The following ARFIP1 variants were observed in gnomAD, a reference collection of about 807,000 sequenced individuals.
ARFIP1 encodes the protein arfaptin-1.
In ARFIP1, 24 loss-of-function variants were observed where a neutral mutation model predicts 42.5. That is an observed-to-expected ratio of 0.57 (90% confidence interval 0.41 to 0.80). The LOEUF is 0.80. Among genes scored for constraint, ARFIP1 ranks in the 30% least tolerant of loss-of-function variants. ARFIP1 has a pLI of 0.00. For synonymous variants in ARFIP1, 141 were observed against 153.7 expected, an observed-to-expected ratio of 0.92 and a Z score of 0.61; for missense variants, 354 against 434.0, an observed-to-expected ratio of 0.82 and a Z score of 1.64.
chr4:152,818,676 G>A (rs1561120066), intron 1 of ARFIP1, among the ~76,000 whole-genome samples: 2 of 152,202 alleles, frequency 1.3e-5, no homozygotes, highest in Admixed American at 6.5e-5. Flanking sequence ...TGGGAATGGT[G>A]TTTCTCGGAA....
chr4:152,881,510 A>G (rs1369110351), intron 6 of ARFIP1, among the ~76,000 whole-genome samples: 3 of 152,134 alleles, frequency 2.0e-5, no homozygotes, highest in Non-Finnish European at 2.9e-5. Flanking sequence ...AAAAGTTGTA[A>G]AAATGTTGTT....
chr4:152,880,840 T>C, intron 5 of ARFIP1, 123 bp from the exon 6 acceptor site: 1 of 699,788 alleles, frequency 1.4e-6, no homozygotes. Flanking sequence ...GTAAGGGAGC[T>C]GACAATTTTC....
At chr4:152,835,681 G>A (rs761140379) in intron 2 of ARFIP1, among the ~76,000 whole-genome samples, 33 of 152,146 alleles carry the variant, frequency 2.2e-4, no homozygotes, top group Non-Finnish European at 4.1e-4. Flanking sequence ...AACATTTATA[G>A]CAATACTTAC....
intron 1 of ARFIP1, among the ~76,000 whole-genome samples, chr4:152,825,608 C>A (rs754199754): frequency 6.6e-6 from 1 of 152,164 alleles, no homozygotes; most frequent in Admixed American, 6.6e-5. Context: ...CTAGCAAAAA[C>A]TCTTCTGGAC....
At chr4:152,836,518 C>T (rs1350434486) in intron 2 of ARFIP1, among the ~76,000 whole-genome samples, 1 of 152,088 alleles carries the variant, frequency 6.6e-6, no homozygotes, top group Non-Finnish European at 1.5e-5. Flanking sequence ...TTTCTGGTAT[C>T]TCTTTTCTTT....
At chr4:152,903,789 A>G (rs1447727781) in intron 8 of ARFIP1, among the ~76,000 whole-genome samples, 1 of 152,162 alleles carries the variant, frequency 6.6e-6, no homozygotes, top group African/African-American at 2.4e-5. Flanking sequence ...TTAGTGGGCT[A>G]CTGAGTCTTC....
intron 5 of ARFIP1, among the ~76,000 whole-genome samples, chr4:152,878,407 A>G (rs950058455): frequency 6.6e-6 from 1 of 152,256 alleles, no homozygotes; most frequent in African/African-American, 2.4e-5. Flanking sequence ...CACTGTAGAG[A>G]TCATCTAAGA....
chr4:152,910,978 A>T lies in ARFIP1; in HGVS notation c.*759A>T, dbSNP rs893154360. ...TTTTTTTTTGACAGGTGGACGTGGG[A>T]ATGGAAATTCTTAATGGTTTCTGGA... On this transcript the variant is annotated 3_prime_UTR_variant, in exon 9 of 9. Transcript: ENST00000353617. 6.6e-6 allele frequency: 1 copy of T among 152,540 alleles called. No individual in the cohort carries two copies. The highest frequency in any genetic ancestry group is 1.5e-5 in the Non-Finnish European group (1 of 68,014). The allele number at this position is 152,540 out of a possible 1,614,324, so 9.4% of individuals were successfully genotyped here.
At chr4:152,836,086 A>C (rs868250277) in intron 2 of ARFIP1, among the ~76,000 whole-genome samples, 6 of 152,196 alleles carry the variant, frequency 3.9e-5, no homozygotes, top group Non-Finnish European at 8.8e-5. Flanking sequence ...ACATTTCAGC[A>C]TGAGATTTGG....
rs1738846924 is a variant in ARFIP1, at chr4:152,911,536, G to T, written c.*1317G>T. 6.6e-6 allele frequency: 1 copy of T among 152,502 alleles called. No individual in the cohort carries two copies. Among genetic ancestry groups the T allele is most frequent in the African/African-American group, 2.4e-5 (1 of 41,420 alleles). 9.4% of individuals were successfully genotyped at this position (152,502 alleles called of 1,614,324 possible). On this transcript the variant is annotated 3_prime_UTR_variant, in exon 9 of 9. Transcript: ENST00000353617. ...TAGTGTAATCCATTTTCAATGTAAA[G>T]CTCTTTTAGTTTTTGTCATAGACAT...
intron 2 of ARFIP1, among the ~76,000 whole-genome samples, chr4:152,844,110 A>G (rs1002101662): frequency 6.6e-6 from 1 of 152,116 alleles, no homozygotes; most frequent in African/African-American, 2.4e-5. Context: ...TTCGTGTACC[A>G]CTGTATTTCT....
intron 8 of ARFIP1, among the ~76,000 whole-genome samples, chr4:152,908,737 C>G (rs1738581997): frequency 6.6e-6 from 1 of 152,074 alleles, no homozygotes; most frequent in Non-Finnish European, 1.5e-5. Context: ...AGTGATTTTT[C>G]TACCCTCTGT....
intron 1 of ARFIP1, among the ~76,000 whole-genome samples, chr4:152,797,983 C>T (rs551022440): frequency 2.0e-5 from 3 of 152,234 alleles, no homozygotes; most frequent in South Asian, 2.1e-4. Flanking sequence ...AATGGCCGGG[C>T]GCGGTGGCTC....
chr4:152,796,880 A>G (rs1731501915), intron 1 of ARFIP1: 1 of 454,586 alleles, frequency 2.2e-6, no homozygotes. Context: ...GGGTGCAAAA[A>G]TGCTCTCCTT....
At chr4:152,839,637 A>G (rs1211161616) in intron 2 of ARFIP1, among the ~76,000 whole-genome samples, 1 of 151,724 alleles carries the variant, frequency 6.6e-6, no homozygotes, top group African/African-American at 2.4e-5. Context: ...CCCCTGTTTC[A>G]TTTCTTTGTG....
chr4:152,870,701 A>G lies in ARFIP1; in HGVS notation c.203-52A>G, dbSNP rs1734804001. ...CAGTAACCCTATATTCAAAATGTAC[A>G]GTATGTGGAGGAGGAAAAGGATTTT... On this transcript the variant is annotated intron_variant, in intron 3 of 8. Transcript: ENST00000353617. The G allele has an allele frequency of 5.7e-6, 7 of 1,227,858 alleles. No individual in the cohort carries two copies. The South Asian group carries it at 7.4e-5, about 13-fold the overall frequency. The allele number at this position is 1,227,858 out of a possible 1,614,324, so 76.1% of individuals were successfully genotyped here. A position where few individuals can be genotyped will look rare whatever the true frequency, so the allele number is the denominator to read the frequency against.
rs771661005 is a variant in ARFIP1 at position 152,847,124 on chromosome 4, C to CTTTTTTTTTTTTTTTTTTTTTTTTTTTTT, written c.94-16458_94-16457insTTTTTTTTTTTTTTTTTTTTTTTTTTTTT. 3.9e-4 allele frequency among the ~76,000 whole-genome samples: 16 copies of CTTTTTTTTTTTTTTTTTTTTTTTTTTTTT among 40,556 alleles called. 5 individuals are homozygous for CTTTTTTTTTTTTTTTTTTTTTTTTTTTTT. The highest frequency in any genetic ancestry group is 6.7e-4 in the Non-Finnish European group (15 of 22,242). 26.6% of individuals were successfully genotyped at this position (40,556 alleles called of 152,430 possible). A position where few individuals can be genotyped will look rare whatever the true frequency, so the allele number is the denominator to read the frequency against. ...GTATGTTAATGTTTTTAGGTTTGTT[C>CTTTTTTTTTTTTTTTTTTTTTTTTTTTTT]TTTTTTTTTTTTTTTTTTTTTTTTG... On this transcript the variant is annotated intron_variant, in intron 2 of 8. Coordinates refer to ENST00000353617, the MANE Select transcript of ARFIP1 (RefSeq NM_001025595.3).
intron 8 of ARFIP1, among the ~76,000 whole-genome samples, chr4:152,889,202 G>A (rs373173121): frequency 6.6e-6 from 1 of 152,050 alleles, no homozygotes; most frequent in African/African-American, 2.4e-5. Context: ...GGGCATTTTA[G>A]TAAACTATAA....
In ARFIP1 at chr4:152,903,539, G is replaced by C. The variant is rs957374883; in HGVS notation, c.967-6525G>C. Among the ~76,000 whole-genome samples the C allele has an allele frequency of 4.0e-5, 6 of 150,964 alleles. No individual in the cohort carries two copies. In the East Asian group the frequency reaches 1.2e-3, roughly 29 times the overall value. On this transcript the variant is annotated intron_variant, in intron 8 of 8. Coordinates refer to ENST00000353617, the MANE Select transcript of ARFIP1 (RefSeq NM_001025595.3). ...AATTACAAAATTGTGAATCCTCAAA[G>C]GTCCCCTCTATACCAGGGAACTGAT... is the stretch of plus-strand genomic sequence containing the variant.
Sources: allele counts gnomAD v4.1 joint callset (sites outside exome capture counted in the v4.1 genomes callset), GRCh38; gene constraint gnomAD v4.1.1; transcripts MANE v1.5; gene names NCBI Gene and HGNC (gene_info 2026-07-23, HGNC 2026-07-21).